The following CDH19 variants were observed in gnomAD, a reference collection of about 807,000 sequenced individuals.
CDH19 encodes the protein cadherin-19.
In CDH19, 67 loss-of-function variants were observed where a neutral mutation model predicts 64.2. The ratio of observed to expected loss-of-function variants is 1.04; its 90% CI spans 0.86 to 1.28. CDH19 has a LOEUF of 1.28. Ranked by LOEUF, CDH19 falls within the 50% of genes most tolerant of loss-of-function variation. The pLI is 0.00. For synonymous variants in CDH19, 346 were observed against 319.3 expected (o/e 1.08, Z -0.89); for missense variants, 1,030 against 929.0 (o/e 1.11, Z -1.41).
intron 7 of CDH19, among the ~76,000 whole-genome samples, chr18:66,542,400 T>A (rs1052270365): frequency 2.6e-5 from 4 of 152,094 alleles, no homozygotes. Flanking sequence ...GGAAAATAGG[T>A]GAGTAAGGAA....
intron 2 of CDH19, among the ~76,000 whole-genome samples, chr18:66,571,022 G>C (rs545606): frequency 6.6e-6 from 1 of 151,556 alleles, no homozygotes; most frequent in Non-Finnish European, 1.5e-5. Flanking sequence ...CCAACTGTGC[G>C]TATTATTTAC....
chr18:66,562,794 G>A (rs1301562427), intron 3 of CDH19, among the ~76,000 whole-genome samples: 1 of 152,038 alleles, frequency 6.6e-6, no homozygotes, highest in Non-Finnish European at 1.5e-5. Context: ...ATGTTTAAAG[G>A]TGCTAACCTG....
intron 1 of CDH19, among the ~76,000 whole-genome samples, chr18:66,600,096 T>G (rs990686072): frequency 4.0e-5 from 6 of 151,878 alleles, no homozygotes; most frequent in Admixed American, 2.6e-4. Context: ...TAAACATACT[T>G]TCTTTTAGTA....
intron 1 of CDH19, among the ~76,000 whole-genome samples, chr18:66,575,208 T>C (rs1599028700): frequency 6.6e-6 from 1 of 151,818 alleles, no homozygotes; most frequent in African/African-American, 2.4e-5. Flanking sequence ...TAAGTCATTT[T>C]TTATGGACTC....
intron 9 of CDH19, among the ~76,000 whole-genome samples, chr18:66,520,772 G>A (rs890725277): frequency 3.3e-5 from 5 of 151,920 alleles, no homozygotes; most frequent in Non-Finnish European, 5.9e-5. Context: ...TTCAATACAA[G>A]TCTTCAAGTC....
chr18:66,546,244 A>C lies in CDH19; in HGVS notation c.776-1341T>G, dbSNP rs558076450. Among the ~76,000 whole-genome samples the C allele has an allele frequency of 7.9e-5, 12 of 152,274 alleles. No homozygotes were observed. The East Asian group carries it at 1.9e-3, about 24-fold the overall frequency. On this transcript the variant is annotated intron_variant, in intron 5 of 11. Coordinates refer to ENST00000262150, the MANE Select transcript of CDH19 (RefSeq NM_021153.4). ...TACTTTTTAAGTGGAATAAGTGTTA[A>C]TTTTTAAGAGCTAATATTTTACTAC...
At chr18:66,593,121 G>A (rs749043574) in intron 1 of CDH19, among the ~76,000 whole-genome samples, 2 of 151,542 alleles carry the variant, frequency 1.3e-5, no homozygotes, top group Admixed American at 6.6e-5. Flanking sequence ...ATATCTCATT[G>A]TGATTTTGAT....
intron 9 of CDH19, 21 bp downstream of exon 9, chr18:66,529,824 T>A (rs760968787): frequency 3.3e-6 from 5 of 1,512,278 alleles, no homozygotes; most frequent in Non-Finnish European, 4.5e-6. Flanking sequence ...TTAGACTTTG[T>A]AATTTATAAT....
chr18:66,542,929 C>T lies in CDH19; in HGVS notation c.1214+1042G>A, dbSNP rs567064472. 9.2e-5 allele frequency among the ~76,000 whole-genome samples: 14 copies of T among 152,266 alleles called. No homozygotes were observed. In the South Asian group the frequency reaches 2.5e-3, roughly 27 times the overall value. On this transcript the variant is annotated intron_variant, in intron 7 of 11. Transcript: ENST00000262150. The stretch of plus-strand genomic sequence containing the variant: ...CGACCTTGGAAAAATTGTCTTCCAC[C>T]GAACTGGTTCCTGGTGGCAGAAAGG...
chr18:66,526,812 A>T (rs1425389924), intron 9 of CDH19, among the ~76,000 whole-genome samples: 2 of 152,038 alleles, frequency 1.3e-5, no homozygotes, highest in African/African-American at 2.4e-5. Context: ...AATGAAATAA[A>T]TCTTCACTAT....
intron 11 of CDH19, among the ~76,000 whole-genome samples, chr18:66,508,400 T>G (rs1985305447): frequency 2.3e-5 from 2 of 85,782 alleles, no homozygotes; most frequent in Middle Eastern, 4.6e-3. Flanking sequence ...TACTGCGCTG[T>G]TTTTTTTTTT....
In CDH19 at chr18:66,501,885, A is replaced by G. The variant is rs980658532; in HGVS notation, c.*2927T>C. ...AAACAAAGATCTGTTAGGCTCAAGC[A>G]CATGCACTGAGGGAACAACTAGCAG... is the stretch of plus-strand genomic sequence containing the variant. On this transcript the variant is annotated 3_prime_UTR_variant, in exon 12 of 12. Transcript: ENST00000262150. The G allele has an allele frequency of 7.2e-5, 11 of 152,230 alleles. No homozygotes were observed. Among genetic ancestry groups the G allele is most frequent in the African/African-American group, 2.4e-4 (10 of 41,566 alleles). The allele number at this position is 152,230 out of a possible 1,614,324, so 9.4% of individuals were successfully genotyped here. A position where few individuals can be genotyped will look rare whatever the true frequency, so the allele number is the denominator to read the frequency against.
intron 1 of CDH19, among the ~76,000 whole-genome samples, chr18:66,592,169 T>A (rs796109425): frequency 3.4e-4 from 51 of 152,028 alleles, no homozygotes; most frequent in African/African-American, 1.2e-3. Context: ...CTTAAATCCC[T>A]CAAGTAAATT....
At chr18:66,543,348 C>A (rs1007292525) in intron 7 of CDH19, among the ~76,000 whole-genome samples, 1 of 151,944 alleles carries the variant, frequency 6.6e-6, no homozygotes, top group Admixed American at 6.5e-5. Context: ...ACATTTTGAT[C>A]AGCTTTGTTT....
At position 66,570,377 on chromosome 18, in the gene CDH19, T is replaced by C. The variant is rs543120021; in HGVS notation, c.195+1633A>G. Among the ~76,000 whole-genome samples, 138 of 151,816 alleles carry C rather than the reference T, an allele frequency of 9.1e-4. 2 individuals are homozygous for C. Among genetic ancestry groups the C allele is most frequent in the East Asian group, 7.7e-4 (4 of 5,164 alleles). On this transcript the variant is annotated intron_variant, in intron 2 of 11. Coordinates refer to ENST00000262150, the MANE Select transcript of CDH19 (RefSeq NM_021153.4). ...CTTTTAATGTCATAAAATGCATATG[T>C]TAAACACATTTCAATCAAATGGCCT...
chr18:66,533,213 T>TAC (rs35376051), intron 8 of CDH19, among the ~76,000 whole-genome samples: 11,514 of 148,970 alleles, frequency 0.077, 1,015 homozygotes, highest in African/African-American at 0.22. Context: ...TAGGATTTAT[T>TAC]ACACACACAC....
At position 66,504,291 on chromosome 18, in the gene CDH19, CTTTTTTTTTT is replaced by C. The variant is rs768595800; in HGVS notation, c.*511_*520del. The C allele has an allele frequency of 2.7e-5, 3 of 112,970 alleles. No homozygotes were observed. Among genetic ancestry groups the C allele is most frequent in the African/African-American group, 9.8e-5 (3 of 30,738 alleles). 7.0% of individuals were successfully genotyped at this position (112,970 alleles called of 1,614,324 possible). On this transcript the variant is annotated 3_prime_UTR_variant, in exon 12 of 12. Transcript: ENST00000262150. Reference sequence around the variant, plus strand: ...TTTTCTACGAAGATTACCTAGCATTCTTTTTTTTTTTTTTTTTTTTTAAATAAAGGAAACA... The same window carrying C: ...TTTTCTACGAAGATTACCTAGCATTCTTTTTTTTTTTAAATAAAGGAAACA...
At chr18:66,510,913 T>TAGGA (rs1985450749) in intron 10 of CDH19, among the ~76,000 whole-genome samples, 1 of 151,636 alleles carries the variant, frequency 6.6e-6, no homozygotes. Context: ...TTTCATAACT[T>TAGGA]TGAGGTATGA....
intron 1 of CDH19, among the ~76,000 whole-genome samples, chr18:66,593,467 T>C (rs1789397445): frequency 6.6e-6 from 1 of 151,988 alleles, no homozygotes; most frequent in South Asian, 2.1e-4. Flanking sequence ...CTTAAGTGTT[T>C]AAAGATGTTG....
Sources: allele counts gnomAD v4.1 joint callset (sites outside exome capture counted in the v4.1 genomes callset), GRCh38; gene constraint gnomAD v4.1.1; transcripts MANE v1.5; gene names NCBI Gene and HGNC (gene_info 2026-07-23, HGNC 2026-07-21).